The following FAM50A variants were observed in gnomAD, a reference collection of about 807,000 sequenced individuals.
FAM50A encodes the protein family with sequence similarity 50 member A.
In FAM50A, 6 loss-of-function variants were observed where a neutral mutation model predicts 35.5. The observed-to-expected ratio is 0.17, with a 90% CI of 0.09 to 0.33. The LOEUF is 0.33. Among genes scored for constraint, FAM50A ranks in the 10% least tolerant of loss-of-function variants. The pLI, the probability that FAM50A is intolerant of heterozygous loss-of-function variation, is 1.00. For missense variants in FAM50A, 145 were observed against 295.5 expected (o/e 0.49, Z 3.73); for synonymous variants, 120 against 110.9 (o/e 1.08, Z -0.52).
rs1557199859 is a variant in FAM50A at position 154,446,592 on chromosome X, G to A, written c.442+32G>A. ...GCTGGCTTGAGTCGGAGCCCCGCCCGCAGCCCCTGGGGAGGGGTCCCCAAT... is the reference window on the plus strand; with the variant it reads ...GCTGGCTTGAGTCGGAGCCCCGCCCACAGCCCCTGGGGAGGGGTCCCCAAT... On this transcript the variant is annotated intron_variant, in intron 4 of 12. Transcript: ENST00000393600. 6 of 1,117,155 alleles carry A rather than the reference G, an allele frequency of 5.4e-6. No individual in the cohort carries two copies. In the South Asian group the frequency reaches 1.1e-4, roughly 21 times the overall value. The allele number at this position is 1,117,155 out of a possible 1,213,427, so 92.1% of individuals were successfully genotyped here. A position where few individuals can be genotyped will look rare whatever the true frequency, so the allele number is the denominator to read the frequency against.
Position 154,449,859 on chromosome X carries a change from C to A in FAM50A, c.781-24C>A, listed in dbSNP as rs201261748. The A allele has an allele frequency of 3.3e-6, 4 of 1,208,255 alleles. No homozygotes were observed. The African/African-American group carries it at 7.0e-5, about 21-fold the overall frequency. The stretch of plus-strand genomic sequence containing the variant: ...GGGCCGAGATGGACCATCAAGACGC[C>A]GCTTTCCTGCCCTTGGCTCCCAGCA... On this transcript the variant is annotated intron_variant, in intron 9 of 12. Coordinates refer to ENST00000393600, the MANE Select transcript of FAM50A (RefSeq NM_004699.4).
At chrX:154,448,860 G>A in intron 6 of FAM50A, 33 bp from the exon 7 acceptor site, 1 of 1,201,943 alleles carries the variant, frequency 8.3e-7, no homozygotes. Context: ...CTCTCAGTGG[G>A]GCTGGAGACC....
intron 1 of FAM50A, among the ~76,000 whole-genome samples, chrX:154,445,087 G>C (rs965675571): frequency 1.3e-4 from 14 of 111,258 alleles, no homozygotes; most frequent in Non-Finnish European, 2.6e-4. Context: ...TGGCCGCACT[G>C]TCTGAGCCGG....
Position 154,449,214 on chromosome X carries a change from G to T in FAM50A, c.649-7G>T. 1 of 1,207,674 alleles carries T rather than the reference G, an allele frequency of 8.3e-7. No individual in the cohort carries two copies. Among genetic ancestry groups the T allele is most frequent in the African/African-American group, 1.7e-5 (1 of 57,935 alleles). On this transcript the variant is annotated splice_polypyrimidine_tract_variant and splice_region_variant and intron_variant, in intron 7 of 12. Coordinates refer to ENST00000393600, the MANE Select transcript of FAM50A (RefSeq NM_004699.4). ...TCCCTTCCCAACTCCTGGATTCCCGGATACAGATGAGAAAGGGCAACACCA... is the reference window on the plus strand; with the variant it reads ...TCCCTTCCCAACTCCTGGATTCCCGTATACAGATGAGAAAGGGCAACACCA...
At chrX:154,444,462 G>A (rs1366712531) in intron 1 of FAM50A, 116 bp downstream of exon 1, 10 of 315,676 alleles carry the variant, frequency 3.2e-5, no homozygotes, top group East Asian at 6.8e-5. Context: ...CGGCGCGCCG[G>A]GGCAGGCCCC....
chrX:154,448,068 C>CTTT (rs782137009), intron 4 of FAM50A, among the ~76,000 whole-genome samples: 39 of 76,495 alleles, frequency 5.1e-4, no homozygotes, highest in African/African-American at 3.7e-3. Flanking sequence ...TCTTTTTTTT[C>CTTT]TTTCTTTTTT....
chrX:154,449,950 GC>G lies in FAM50A; in HGVS notation c.829+21del, dbSNP rs1569553633. On this transcript the variant is annotated intron_variant, in intron 10 of 12. Transcript: ENST00000393600. The stretch of plus-strand genomic sequence containing the variant: ...AAGAGTGGTGAGTGCCGCCGACCCA[GC>G]CGCCCCCATAGCACCTTGCCGCCGA... 29 of 1,210,885 alleles carry G rather than the reference GC, an allele frequency of 2.4e-5. No individual in the cohort carries two copies. Among genetic ancestry groups the G allele is most frequent in the Non-Finnish European group, 3.2e-5 (29 of 894,524 alleles).
At position 154,449,575 on chromosome X, in the gene FAM50A, C is replaced by T. The variant is rs969855178; in HGVS notation, c.726-106C>T. 43 of 690,241 alleles carry T rather than the reference C, an allele frequency of 6.2e-5. No homozygotes were observed. The South Asian group carries it at 9.3e-4, about 15-fold the overall frequency. 56.9% of individuals were successfully genotyped at this position (690,241 alleles called of 1,213,427 possible). ...GGAGCTTCCCTCACAGCCAACTGGCCGCTGCTTCCCAGCCCCAGCATGGGC... is the reference window on the plus strand; with the variant it reads ...GGAGCTTCCCTCACAGCCAACTGGCTGCTGCTTCCCAGCCCCAGCATGGGC... On this transcript the variant is annotated intron_variant, in intron 8 of 12. Transcript: ENST00000393600.
intron 12 of FAM50A, 38 bp from the exon 13 acceptor site, chrX:154,450,386 C>A (rs782616118): frequency 2.5e-6 from 3 of 1,211,193 alleles, no homozygotes; most frequent in Non-Finnish European, 3.4e-6. Flanking sequence ...CACCCCTCGC[C>A]TTCCTTGTCT....
At chrX:154,449,094 G>GC in intron 7 of FAM50A, 127 bp from the exon 8 acceptor site, 1 of 880,059 alleles carries the variant, frequency 1.1e-6, no homozygotes, top group Non-Finnish European at 1.6e-6. Flanking sequence ...CCCCTGTCTG[G>GC]GGAGTGAGGC....
intron 1 of FAM50A, chrX:154,444,604 C>T (rs2148231220): frequency 5.8e-6 from 1 of 173,422 alleles, no homozygotes; most frequent in East Asian, 1.1e-4. Flanking sequence ...AGGAGGGAGC[C>T]GAGCCAGTGT....
intron 3 of FAM50A, 150 bp from the exon 4 acceptor site, chrX:154,446,265 A>T: frequency 1.9e-6 from 1 of 519,306 alleles, no homozygotes; most frequent in Non-Finnish European, 3.4e-6. Flanking sequence ...AAAGTGATCC[A>T]GGACAGCAGG....
rs1438094091 is a variant in FAM50A at position 154,448,762 on chromosome X, TGTTTGCGGA to T, written c.586+9_586+17del. ...CAAGCAGGAGAAGATCAAGAGTGAGTGTTTGCGGAGTCAGACGCGAGGGGCCTGGGCCCA... is the reference window on the plus strand; with the variant it reads ...CAAGCAGGAGAAGATCAAGAGTGAGTGTCAGACGCGAGGGGCCTGGGCCCA... On this transcript the variant is annotated splice_region_variant and intron_variant, in intron 6 of 12. Coordinates refer to ENST00000393600, the MANE Select transcript of FAM50A (RefSeq NM_004699.4). 1 of 1,205,338 alleles carries T rather than the reference TGTTTGCGGA, an allele frequency of 8.3e-7. No individual in the cohort carries two copies. The highest frequency in any genetic ancestry group is 1.8e-5 in the African/African-American group (1 of 56,204).
chrX:154,449,812 C>T (rs782453001), intron 9 of FAM50A, 71 bp from the exon 10 acceptor site: 41 of 1,183,723 alleles, frequency 3.5e-5, no homozygotes, highest in Admixed American at 1.3e-4. Flanking sequence ...GGGCAGTGTG[C>T]GCAGGCGGGG....
At position 154,450,618 on chromosome X, in the gene FAM50A, C is replaced by T. The variant is rs914977964; in HGVS notation, c.*186C>T. On this transcript the variant is annotated 3_prime_UTR_variant, in exon 13 of 13. Coordinates refer to ENST00000393600, the MANE Select transcript of FAM50A (RefSeq NM_004699.4). ...TATTCTTTTCCAATAAAGAAGTGCA[C>T]GTGTCAGAGCTGGAGCGCCTGCATT... 53 of 454,348 alleles carry T rather than the reference C, an allele frequency of 1.2e-4. No individual in the cohort carries two copies. Among genetic ancestry groups the T allele is most frequent in the Admixed American group, 6.0e-4 (15 of 25,078 alleles). 37.4% of individuals were successfully genotyped at this position (454,348 alleles called of 1,213,427 possible). A position where few individuals can be genotyped will look rare whatever the true frequency, so the allele number is the denominator to read the frequency against.
intron 11 of FAM50A, 33 bp downstream of exon 11, chrX:154,450,132 G>C (rs782483106): frequency 1.2e-5 from 14 of 1,198,915 alleles, no homozygotes; most frequent in South Asian, 1.8e-5. Context: ...AGGGGGAACG[G>C]GTGTCCCTGG....
Position 154,450,193 on chromosome X carries a change from C to T in FAM50A, c.901-16C>T, listed in dbSNP as rs1557200391. ...GGGAGGTCAGCAGGCGGCCCTGTGC[C>T]CTCTTCCTCCCTTAGTCCCATGCAG... On this transcript the variant is annotated splice_polypyrimidine_tract_variant and intron_variant, in intron 11 of 12. Transcript: ENST00000393600. The T allele has an allele frequency of 8.3e-7, 1 of 1,205,995 alleles. No individual in the cohort carries two copies. Among genetic ancestry groups the T allele is most frequent in the Admixed American group, 2.2e-5 (1 of 46,050 alleles).
In FAM50A at chrX:154,444,162, C is replaced by G. The variant is rs1355169724; in HGVS notation, c.-74C>G. 7.8e-5 allele frequency: 25 copies of G among 320,997 alleles called. 1 individual carries two copies. The highest frequency in any genetic ancestry group is 2.7e-4 in the Admixed American group (3 of 11,025). The allele number at this position is 320,997 out of a possible 1,213,427, so 26.5% of individuals were successfully genotyped here. A position where few individuals can be genotyped will look rare whatever the true frequency, so the allele number is the denominator to read the frequency against. On this transcript the variant is annotated 5_prime_UTR_variant, in exon 1 of 13. Transcript: ENST00000393600. ...CGTCAGCTGACTGTTCGGCCGCCAC[C>G]GCCGCTGCCGCTGCCGCTGTCGCTG...
Position 154,444,363 on chromosome X carries a change from C to T in FAM50A, c.111+17C>T. 1.0e-6 allele frequency: 1 copy of T among 996,153 alleles called. No individual in the cohort carries two copies. The highest frequency in any genetic ancestry group is 1.3e-6 in the Non-Finnish European group (1 of 756,961). The allele number at this position is 996,153 out of a possible 1,213,427, so 82.1% of individuals were successfully genotyped here. ...ATCGCGGAGGTGCGAGCCGGGGAGC[C>T]TCGGAGCATGCGCGCTGCCCAGGTC... On this transcript the variant is annotated intron_variant, in intron 1 of 12. Coordinates refer to ENST00000393600, the MANE Select transcript of FAM50A (RefSeq NM_004699.4).
Sources: allele counts gnomAD v4.1 joint callset (sites outside exome capture counted in the v4.1 genomes callset), GRCh38; gene constraint gnomAD v4.1.1; transcripts MANE v1.5; gene names NCBI Gene and HGNC (gene_info 2026-07-23, HGNC 2026-07-21).